Variants in TBC1D22A observed in about 807,000 individuals in gnomAD.
The protein encoded by TBC1D22A is TBC1 domain family member 22A.
A neutral mutation model predicts 60.2 loss-of-function variants in TBC1D22A; 38 were observed. The observed-to-expected ratio is 0.63, with a 90% CI of 0.49 to 0.83. The LOEUF (loss-of-function observed/expected upper bound fraction) is 0.83, where lower values mean the gene tolerates loss of function less well. TBC1D22A is among the 40% of genes least tolerant of loss of function. The pLI is 0.00. For synonymous variants in TBC1D22A, 302 were observed against 281.7 expected (o/e 1.07, Z -0.72); for missense variants, 628 against 701.0 (o/e 0.90, Z 1.18).
At chr22:46,928,634 A>C (rs2071180463) in intron 8 of TBC1D22A, among the ~76,000 whole-genome samples, 1 of 152,252 alleles carries the variant, frequency 6.6e-6, no homozygotes, top group Non-Finnish European at 1.5e-5. Context: ...AACATTCCCC[A>C]GAATGGGAGA....
chr22:47,093,265 G>A (rs536401043), intron 11 of TBC1D22A, among the ~76,000 whole-genome samples: 24 of 152,302 alleles, frequency 1.6e-4, no homozygotes, highest in South Asian at 8.3e-4. Context: ...GTGATCCTGC[G>A]CCGAGTCTCC....
intron 11 of TBC1D22A, among the ~76,000 whole-genome samples, chr22:47,059,263 A>G (rs2063493722): frequency 6.6e-6 from 1 of 152,146 alleles, no homozygotes; most frequent in Non-Finnish European, 1.5e-5. Context: ...TCTTGAACAC[A>G]CTGGTGTGGG....
intron 9 of TBC1D22A, among the ~76,000 whole-genome samples, chr22:46,986,867 A>G (rs1943978695): frequency 6.6e-6 from 1 of 152,086 alleles, no homozygotes; most frequent in Non-Finnish European, 1.5e-5. Flanking sequence ...CATGGTGTGG[A>G]CGGCTGATTT....
chr22:46,975,960 G>C (rs1299698374), intron 9 of TBC1D22A, among the ~76,000 whole-genome samples: 1 of 152,190 alleles, frequency 6.6e-6, no homozygotes, highest in Non-Finnish European at 1.5e-5. Flanking sequence ...GCCCACTAGA[G>C]ATATATTTTG....
At chr22:47,168,935 C>T (rs111412809) in intron 12 of TBC1D22A, among the ~76,000 whole-genome samples, 195 of 152,278 alleles carry the variant, frequency 1.3e-3, no homozygotes, top group African/African-American at 4.6e-3. Context: ...TCTTCGGCAT[C>T]GGGAGCCTCA....
chr22:46,960,591 T>TC (rs2073442701), intron 8 of TBC1D22A, among the ~76,000 whole-genome samples: 1 of 152,082 alleles, frequency 6.6e-6, no homozygotes, highest in African/African-American at 2.4e-5. Context: ...TTTGGCAGTG[T>TC]CCCCAACCAG....
chr22:46,860,469 G>C (rs2087803332), intron 4 of TBC1D22A, among the ~76,000 whole-genome samples: 1 of 77,250 alleles, frequency 1.3e-5, no homozygotes, highest in Admixed American at 1.2e-4. Flanking sequence ...AGAGGTCCGC[G>C]CAGTGCTGTG....
chr22:46,855,893 A>G (rs2087544178), intron 4 of TBC1D22A, among the ~76,000 whole-genome samples: 1 of 152,220 alleles, frequency 6.6e-6, no homozygotes, highest in South Asian at 2.1e-4. Flanking sequence ...CTTATCTAAA[A>G]TTAATTGAGC....
At chr22:46,902,744 A>G (rs1294863771) in intron 7 of TBC1D22A, among the ~76,000 whole-genome samples, 3 of 150,990 alleles carry the variant, frequency 2.0e-5, no homozygotes, top group Admixed American at 1.3e-4. Flanking sequence ...TTTTTGACAC[A>G]CAAAGTTGTA....
intron 8 of TBC1D22A, among the ~76,000 whole-genome samples, chr22:46,965,501 G>A (rs1227014198): frequency 6.6e-6 from 1 of 152,264 alleles, no homozygotes; most frequent in Non-Finnish European, 1.5e-5. Flanking sequence ...TTGTCAGATT[G>A]TTTTGCAGAA....
chr22:47,075,473 A>T (rs950207166), intron 11 of TBC1D22A, among the ~76,000 whole-genome samples: 4 of 152,166 alleles, frequency 2.6e-5, no homozygotes, highest in Admixed American at 2.6e-4. Context: ...GCTTGAGGCC[A>T]GGAGTTCAAG....
chr22:46,907,405 C>G (rs2069567160), intron 7 of TBC1D22A, among the ~76,000 whole-genome samples: 1 of 152,218 alleles, frequency 6.6e-6, no homozygotes, highest in African/African-American at 2.4e-5. Context: ...GCAGCATTGC[C>G]TGGTAGAGGA....
At chr22:46,830,304 A>G (rs1444003986) in intron 4 of TBC1D22A, among the ~76,000 whole-genome samples, 2 of 152,196 alleles carry the variant, frequency 1.3e-5, no homozygotes, top group African/African-American at 4.8e-5. Context: ...CTCCACTCAC[A>G]CTACTTCCCA....
chr22:47,072,066 T>C (rs1780422492), intron 11 of TBC1D22A, among the ~76,000 whole-genome samples: 1 of 148,286 alleles, frequency 6.7e-6, no homozygotes, highest in Non-Finnish European at 1.5e-5. Context: ...TCATGAATAC[T>C]CAGATGCGGT....
intron 11 of TBC1D22A, among the ~76,000 whole-genome samples, chr22:47,044,420 T>TC (rs2062963785): frequency 2.0e-5 from 3 of 152,178 alleles, no homozygotes; most frequent in Admixed American, 1.3e-4. Context: ...GACAGCGTGC[T>TC]CCAAGTACCG....
At chr22:46,915,543 G>A (rs1044636678) in intron 8 of TBC1D22A, 1 of 456,614 alleles carries the variant, frequency 2.2e-6, no homozygotes, top group Non-Finnish European at 4.4e-6. Flanking sequence ...CCTCCTGAGA[G>A]CTGCAGCTGG....
chr22:47,072,557 C>A (rs531168172), intron 11 of TBC1D22A, among the ~76,000 whole-genome samples: 9 of 152,334 alleles, frequency 5.9e-5, no homozygotes, highest in African/African-American at 1.7e-4. Context: ...CTTGGCCACA[C>A]CCCTGTTAGC....
chr22:47,122,900 C>T (rs1350135095), intron 12 of TBC1D22A, among the ~76,000 whole-genome samples: 1 of 152,200 alleles, frequency 6.6e-6, no homozygotes, highest in East Asian at 1.9e-4. Context: ...CTCCTTAGCT[C>T]GAGCCTTGGC....
chr22:47,158,453 T>A (rs1393723049), intron 12 of TBC1D22A, among the ~76,000 whole-genome samples: 1 of 152,088 alleles, frequency 6.6e-6, no homozygotes, highest in African/African-American at 2.4e-5. Context: ...GAGGCAGCAG[T>A]CCTGGGTAGG....
Sources: allele counts gnomAD v4.1 joint callset (sites outside exome capture counted in the v4.1 genomes callset), GRCh38; gene constraint gnomAD v4.1.1; transcripts MANE v1.5; gene names NCBI Gene and HGNC (gene_info 2026-07-23, HGNC 2026-07-21).